Variants in OR5AK2 observed in about 807,000 individuals in gnomAD.
OR5AK2 encodes the protein olfactory receptor 5AK2.
For synonymous variants in OR5AK2, 176 were observed against 128.2 expected (o/e 1.37, Z -2.52); for missense variants, 438 against 366.3 (o/e 1.20, Z -1.60).
chr11:56,989,512 T>C lies in OR5AK2; in HGVS notation c.599T>C (p.Val200Ala), dbSNP rs1483425018. The C allele has an allele frequency of 1.2e-6, 2 of 1,614,138 alleles. No homozygotes were observed. The highest frequency in any genetic ancestry group is 1.1e-5 in the South Asian group (1 of 91,082). ...GTTGACATCAACATCATGCTACTTG[T>C]TGTCTTTGTGGGATCTAACTTGATA... ...SNVDINIMLL[V>A]VFVGSNLIFT... Residue 200 changes from valine (V) to alanine (A), a missense_variant, in exon 1 of 1, where the codon GTT becomes GCT. Val to Ala is a moderately conservative substitution (Grantham distance 64). Coordinates refer to ENST00000326855, the MANE Select transcript of OR5AK2 (RefSeq NM_001005323.1).
rs1199141982 is a variant in OR5AK2, at chr11:56,989,318, C to A, written c.405C>A (p.Ile135=). The change falls in exon 1 of 1, where the codon ATC becomes ATA. Residue 135 remains isoleucine, a synonymous_variant. Transcript: ENST00000326855. The stretch of plus-strand genomic sequence containing the variant: ...GTAAGCCCCTTCACTATACTGTAAT[C>A]ATGTCCCGAACAGTCTGCATCCGTT... ...AICKPLHYTV[I]MSRTVCIRLV... 1 of 1,614,018 alleles carries A rather than the reference C, an allele frequency of 6.2e-7. No individual in the cohort carries two copies. The highest frequency in any genetic ancestry group is 8.5e-7 in the Non-Finnish European group (1 of 1,180,002).
chr11:56,988,937 A>C lies in OR5AK2; in HGVS notation c.24A>C (p.Glu8Asp), dbSNP rs1252281780. MTLGNSTEVTEFYLLGFG... is the reference protein window; with the variant it reads MTLGNSTDVTEFYLLGFG... ...CCATGACACTAGGAAACAGCACTGAAGTCACTGAATTCTATCTTCTGGGAT... is the reference window on the plus strand; with the variant it reads ...CCATGACACTAGGAAACAGCACTGACGTCACTGAATTCTATCTTCTGGGAT... Residue 8 changes from glutamate (E) to aspartate (D), a missense_variant, in exon 1 of 1, where the codon GAA (glutamate) becomes GAC (aspartate). Coordinates refer to ENST00000326855, the MANE Select transcript of OR5AK2 (RefSeq NM_001005323.1). The C allele has an allele frequency of 3.7e-6, 6 of 1,609,906 alleles. No homozygotes were observed. Among genetic ancestry groups the C allele is most frequent in the Non-Finnish European group, 3.4e-6 (4 of 1,177,892 alleles).
At position 56,989,708 on chromosome 11, in the gene OR5AK2, T is replaced by C. The variant is rs146542991; in HGVS notation, c.795T>C (p.Asn265=). Residue 265 remains asparagine (N), a synonymous_variant, in exon 1 of 1, where the codon AAT becomes AAC. Coordinates refer to ENST00000326855, the MANE Select transcript of OR5AK2 (RefSeq NM_001005323.1). The part of the protein sequence containing the change: ...LSYMYLQSHS[N]NSQENMKVAF... ...ACATGTATTTGCAGTCTCATTCTAA[T>C]AATTCCCAGGAAAATATGAAAGTGG... 1.7e-4 allele frequency: 272 copies of C among 1,613,976 alleles called. 2 individuals carry two copies. The African/African-American group carries it at 3.2e-3, about 19-fold the overall frequency.
At position 56,988,969 on chromosome 11, in the gene OR5AK2, C is replaced by A; in HGVS notation, c.56C>A (p.Ala19Asp). ...GAATTCTATCTTCTGGGATTTGGTG[C>A]CCAGCATGAGTTTTGGTGTATCCTC... ...VTEFYLLGFG[A>D]QHEFWCILFI... is the part of the protein sequence containing the mutation. Residue 19 changes from alanine (A) to aspartate (D), a missense_variant, in exon 1 of 1, where the codon GCC becomes GAC. Physicochemically the swap from Ala to Asp is moderately radical, Grantham distance 126 (BLOSUM62 -2). Transcript: ENST00000326855. 3 of 1,613,180 alleles carry A rather than the reference C, an allele frequency of 1.9e-6. No individual in the cohort carries two copies. The highest frequency in any genetic ancestry group is 2.5e-6 in the Non-Finnish European group (3 of 1,179,472).
rs190202188 is a variant in OR5AK2, at chr11:56,989,179, A to C, written c.266A>C (p.Lys89Thr). ...ATGCTCCAAAGCTTCACAGAAGAAA[A>C]GAATTTGATGTTATTTCAGGGCTGT... ...PKMLQSFTEE[K>T]NLMLFQGCVI... Residue 89 changes from lysine (K) to threonine (T), a missense_variant, in exon 1 of 1, where the codon AAG becomes ACG. Transcript: ENST00000326855. The C allele has an allele frequency of 6.2e-7, 1 of 1,614,140 alleles. No homozygotes were observed. The highest frequency in any genetic ancestry group is 2.2e-5 in the East Asian group (1 of 44,882).
Position 56,989,488 on chromosome 11 carries a change from T to C in OR5AK2, c.575T>C (p.Val192Ala), listed in dbSNP as rs1861651063. Residue 192 changes from valine to alanine, a missense_variant, in exon 1 of 1, where the codon GTT becomes GCT. Transcript: ENST00000326855. ...ATTCTTGCTCTTTCATGCTCCAATG[T>C]TGACATCAACATCATGCTACTTGTT... ...PPILALSCSNVDINIMLLVVF... is the reference protein window; with the variant it reads ...PPILALSCSNADINIMLLVVF... 1 of 1,614,062 alleles carries C rather than the reference T, an allele frequency of 6.2e-7. No individual in the cohort carries two copies.
rs1175547814 is a variant in OR5AK2 at position 56,989,037 on chromosome 11, A to G, written c.124A>G (p.Asn42Asp). 2.3e-5 allele frequency: 37 copies of G among 1,612,944 alleles called. No individual in the cohort carries two copies. Among genetic ancestry groups the G allele is most frequent in the Non-Finnish European group, 3.0e-5 (35 of 1,178,954 alleles). Residue 42 changes from asparagine (N) to aspartate (D), a missense_variant, in exon 1 of 1, where the codon AAT (asparagine) becomes GAT (aspartate). Physicochemically the swap from Asn to Asp is conservative, Grantham distance 23. Coordinates refer to ENST00000326855, the MANE Select transcript of OR5AK2 (RefSeq NM_001005323.1). ...LLIYVTSIMG[N>D]SGIILLINTD... ...CATCTATGTGACCTCCATAATGGGT[A>G]ATAGTGGAATAATCTTACTCATCAA...
rs775594169 is a variant in OR5AK2, at chr11:56,989,159, C to T, written c.246C>T (p.Leu82=). 1.2e-6 allele frequency: 2 copies of T among 1,613,952 alleles called. No individual in the cohort carries two copies. The highest frequency in any genetic ancestry group is 1.7e-6 in the Non-Finnish European group (2 of 1,179,868). The change falls in exon 1 of 1, where the codon CTC becomes CTT. Residue 82 remains leucine (L), a synonymous_variant. Coordinates refer to ENST00000326855, the MANE Select transcript of OR5AK2 (RefSeq NM_001005323.1). ...CTTCTGCTATCACTCCCAAGATGCT[C>T]CAAAGCTTCACAGAAGAAAAGAATT... ...CYTSAITPKM[L]QSFTEEKNLM...
rs771830861 is a variant in OR5AK2 at position 56,989,730 on chromosome 11, G to A, written c.817G>A (p.Val273Met). 6.2e-7 allele frequency: 1 copy of A among 1,613,262 alleles called. No individual in the cohort carries two copies. Among genetic ancestry groups the A allele is most frequent in the South Asian group, 1.1e-5 (1 of 91,072 alleles). Residue 273 changes from valine (V) to methionine (M), a missense_variant, in exon 1 of 1, where the codon GTG becomes ATG. Val to Met is a conservative substitution (Grantham distance 21, BLOSUM62 1). Coordinates refer to ENST00000326855, the MANE Select transcript of OR5AK2 (RefSeq NM_001005323.1). ...TAATAATTCCCAGGAAAATATGAAA[G>A]TGGCCTTTATATTTTATGGCACAGT... ...HSNNSQENMK[V>M]AFIFYGTVIP...
chr11:56,989,417 C>T lies in OR5AK2; in HGVS notation c.504C>T (p.Phe168=). ...VQTGFTCSLS[F]CKSNSINHFF... ...CAGGTTTTACATGTTCACTGTCCTT[C>T]TGCAAGTCCAATAGCATCAATCACT... The change falls in exon 1 of 1, where the codon TTC becomes TTT. Residue 168 remains phenylalanine, a synonymous_variant. Transcript: ENST00000326855. 6.2e-7 allele frequency: 1 copy of T among 1,614,192 alleles called. No individual in the cohort carries two copies.
rs1365781732 is a variant in OR5AK2 at position 56,989,650 on chromosome 11, C to A, written c.737C>A (p.Thr246Asn). Residue 246 changes from threonine to asparagine, a missense_variant, in exon 1 of 1, where the codon ACC (threonine) becomes AAC (asparagine). By Grantham distance (65) the Thr-to-Asn change is moderately conservative (BLOSUM62 0). Transcript: ENST00000326855. ...KSFSTCASHL[T>N]AVTIFYGTLS... ...TTCTCAACATGTGCTTCCCACCTGA[C>A]CGCAGTCACCATTTTCTATGGGACA... is the stretch of plus-strand genomic sequence containing the variant. 1.2e-6 allele frequency: 2 copies of A among 1,613,940 alleles called. No homozygotes were observed. Among genetic ancestry groups the A allele is most frequent in the Non-Finnish European group, 1.7e-6 (2 of 1,179,952 alleles).
In OR5AK2 at chr11:56,989,498, C is replaced by T. The variant is rs376970938; in HGVS notation, c.585C>T (p.Asn195=). The T allele has an allele frequency of 2.1e-5, 34 of 1,613,970 alleles. No homozygotes were observed. Among genetic ancestry groups the T allele is most frequent in the Non-Finnish European group, 2.5e-5 (29 of 1,179,932 alleles). The change falls in exon 1 of 1, where the codon AAC becomes AAT. Residue 195 remains asparagine (N), a synonymous_variant. Transcript: ENST00000326855. ...LALSCSNVDI[N]IMLLVVFVGS... ...TTTCATGCTCCAATGTTGACATCAA[C>T]ATCATGCTACTTGTTGTCTTTGTGG...
chr11:56,989,558 C>A lies in OR5AK2; in HGVS notation c.645C>A (p.Ile215=). The change falls in exon 1 of 1, where the codon ATC becomes ATA. Residue 215 remains isoleucine, a synonymous_variant. Coordinates refer to ENST00000326855, the MANE Select transcript of OR5AK2 (RefSeq NM_001005323.1). ...SNLIFTGLVV[I]FSYIYIMATI... ...TGATATTCACTGGGTTGGTCGTCAT[C>A]TTTTCCTACATCTACATCATGGCCA... is the stretch of plus-strand genomic sequence containing the variant. 1 of 1,614,118 alleles carries A rather than the reference C, an allele frequency of 6.2e-7. No individual in the cohort carries two copies. The highest frequency in any genetic ancestry group is 8.5e-7 in the Non-Finnish European group (1 of 1,179,980).
chr11:56,989,802 G>A lies in OR5AK2; in HGVS notation c.889G>A (p.Val297Ile), dbSNP rs756855620. The change falls in exon 1 of 1, where the codon GTA (valine) becomes ATA (isoleucine). Residue 297 changes from valine to isoleucine, a missense_variant. Val to Ile is a conservative substitution (Grantham distance 29, BLOSUM62 3). Coordinates refer to ENST00000326855, the MANE Select transcript of OR5AK2 (RefSeq NM_001005323.1). ...PLIYSLRNKEVKEALKVIGKK... is the reference protein window; with the variant it reads ...PLIYSLRNKEIKEALKVIGKK... ...AATCTATAGCTTGAGAAATAAGGAAGTAAAAGAAGCTTTAAAAGTGATAGG... is the reference window on the plus strand; with the variant it reads ...AATCTATAGCTTGAGAAATAAGGAAATAAAAGAAGCTTTAAAAGTGATAGG... 4 of 1,603,698 alleles carry A rather than the reference G, an allele frequency of 2.5e-6. No homozygotes were observed. The highest frequency in any genetic ancestry group is 2.6e-6 in the Non-Finnish European group (3 of 1,175,304).
rs1261630472 is a variant in OR5AK2, at chr11:56,989,746, A to G, written c.833A>G (p.Tyr278Cys). The G allele has an allele frequency of 1.7e-5, 27 of 1,612,322 alleles. No homozygotes were observed. The highest frequency in any genetic ancestry group is 2.2e-5 in the Non-Finnish European group (26 of 1,178,484). Reference sequence around the variant, plus strand: ...AATATGAAAGTGGCCTTTATATTTTATGGCACAGTTATTCCCATGTTAAAT... The same window carrying G: ...AATATGAAAGTGGCCTTTATATTTTGTGGCACAGTTATTCCCATGTTAAAT... The part of the protein sequence containing the change: ...QENMKVAFIF[Y>C]GTVIPMLNPL... The change falls in exon 1 of 1, where the codon TAT becomes TGT. Residue 278 changes from tyrosine (Y) to cysteine (C), a missense_variant. Coordinates refer to ENST00000326855, the MANE Select transcript of OR5AK2 (RefSeq NM_001005323.1).
In OR5AK2 at chr11:56,989,667, T is replaced by C; in HGVS notation, c.754T>C (p.Tyr252His). 6.2e-7 allele frequency: 1 copy of C among 1,614,100 alleles called. No individual in the cohort carries two copies. Among genetic ancestry groups the C allele is most frequent in the Non-Finnish European group, 8.5e-7 (1 of 1,179,960 alleles). Residue 252 changes from tyrosine to histidine, a missense_variant, in exon 1 of 1, where the codon TAT (tyrosine) becomes CAT (histidine). Tyr to His is a moderately conservative substitution (Grantham distance 83). Transcript: ENST00000326855. ...CCACCTGACCGCAGTCACCATTTTC[T>C]ATGGGACACTCTCTTACATGTATTT... ...ASHLTAVTIF[Y>H]GTLSYMYLQS...
rs769949017 is a variant in OR5AK2 at position 56,988,993 on chromosome 11, T to C, written c.80T>C (p.Leu27Pro). ...GCCCAGCATGAGTTTTGGTGTATCC[T>C]CTTCATTGTATTCCTTCTCATCTAT... ...FGAQHEFWCI[L>P]FIVFLLIYVT... The change falls in exon 1 of 1, where the codon CTC becomes CCC. Residue 27 changes from leucine (L) to proline (P), a missense_variant. Leu to Pro is a moderately conservative substitution (Grantham distance 98, BLOSUM62 -3). Coordinates refer to ENST00000326855, the MANE Select transcript of OR5AK2 (RefSeq NM_001005323.1). 4.3e-6 allele frequency: 7 copies of C among 1,613,772 alleles called. No individual in the cohort carries two copies. The highest frequency in any genetic ancestry group is 5.9e-6 in the Non-Finnish European group (7 of 1,179,694).
Position 56,989,278 on chromosome 11 carries a change from C to G in OR5AK2, c.365C>G (p.Pro122Arg), listed in dbSNP as rs768806128. The G allele has an allele frequency of 1.2e-6, 2 of 1,613,998 alleles. No homozygotes were observed. The highest frequency in any genetic ancestry group is 2.7e-5 in the African/African-American group (2 of 74,934). ...CYLLAMMAVD[P>R]YVAICKPLHY... ...CTCCTGGCTATGATGGCAGTGGATC[C>G]TTATGTTGCCATCTGTAAGCCCCTT... Residue 122 changes from proline (P) to arginine (R), a missense_variant, in exon 1 of 1, where the codon CCT (proline) becomes CGT (arginine). By Grantham distance (103) the Pro-to-Arg change is moderately radical. Coordinates refer to ENST00000326855, the MANE Select transcript of OR5AK2 (RefSeq NM_001005323.1).
chr11:56,989,194 T>A lies in OR5AK2; in HGVS notation c.281T>A (p.Phe94Tyr), dbSNP rs757669587. Residue 94 changes from phenylalanine to tyrosine, a missense_variant, in exon 1 of 1, where the codon TTT (phenylalanine) becomes TAT (tyrosine). By Grantham distance (22) the Phe-to-Tyr change is conservative (BLOSUM62 3). Transcript: ENST00000326855. ...SFTEEKNLML[F>Y]QGCVIQFLVY... ...ACAGAAGAAAAGAATTTGATGTTAT[T>A]TCAGGGCTGTGTGATACAATTCTTA... 2 of 1,614,106 alleles carry A rather than the reference T, an allele frequency of 1.2e-6. No individual in the cohort carries two copies. Among genetic ancestry groups the A allele is most frequent in the Non-Finnish European group, 1.7e-6 (2 of 1,179,978 alleles).
Sources: allele counts gnomAD v4.1 joint callset, GRCh38; gene constraint gnomAD v4.1.1; transcripts MANE v1.5; gene names NCBI Gene and HGNC (gene_info 2026-07-23, HGNC 2026-07-21).